Variants in AKT3 observed in about 807,000 individuals in gnomAD.
AKT3 encodes the protein RAC-gamma serine/threonine-protein kinase.
AKT3 carries 15 observed loss-of-function variants against 65.3 expected under a neutral mutation model. The observed-to-expected ratio is 0.23, with a 90% CI of 0.15 to 0.35. The LOEUF (loss-of-function observed/expected upper bound fraction) is 0.35, where lower values mean the gene tolerates loss of function less well. Ranked by LOEUF, AKT3 falls within the 10% of genes least tolerant of loss-of-function variation. The pLI, the probability that AKT3 is intolerant of heterozygous loss-of-function variation, is 1.00. For synonymous variants in AKT3, 206 were observed against 183.8 expected, an observed-to-expected ratio of 1.12 and a Z score of -0.98; for missense variants, 243 against 576.5, an observed-to-expected ratio of 0.42 and a Z score of 5.92.
chr1:243,766,123 T>G (rs1689800859), intron 2 of AKT3, among the ~76,000 whole-genome samples: 1 of 152,198 alleles, frequency 6.6e-6, no homozygotes, highest in Admixed American at 6.5e-5. Flanking sequence ...TTGAGTGAAC[T>G]TTTAAAAACA....
chr1:243,654,140 C>T (rs1201701670), intron 4 of AKT3, among the ~76,000 whole-genome samples: 1 of 152,046 alleles, frequency 6.6e-6, no homozygotes, highest in African/African-American at 2.4e-5. Context: ...CTCTCACTGT[C>T]TTTTTAGTAA....
rs189099512 is a variant in AKT3, at chr1:243,610,915, T to C, written c.696+2756A>G. On this transcript the variant is annotated intron_variant, in intron 8 of 13. Coordinates refer to ENST00000673466, the MANE Select transcript of AKT3 (RefSeq NM_005465.7). ...AGATGGATATAGAGATTCCACTGCA[T>C]GAATGTAACTTTATTTAAGCAGACT... 2.2e-4 allele frequency among the ~76,000 whole-genome samples: 34 copies of C among 152,350 alleles called. No homozygotes were observed. In the South Asian group the frequency reaches 7.0e-3, roughly 32 times the overall value.
chr1:243,697,179 TAACA>T (rs1168241401), intron 2 of AKT3, among the ~76,000 whole-genome samples: 2 of 152,022 alleles, frequency 1.3e-5, no homozygotes, highest in African/African-American at 4.8e-5. Flanking sequence ...TTATTACATA[TAACA>T]AATAACATAT....
chr1:243,563,631 A>G lies in AKT3; in HGVS notation c.948+89T>C, dbSNP rs1484799151. 2.1e-6 allele frequency: 3 copies of G among 1,462,946 alleles called. No homozygotes were observed. In the East Asian group the frequency reaches 6.9e-5, roughly 34 times the overall value. The allele number at this position is 1,462,946 out of a possible 1,614,324, so 90.6% of individuals were successfully genotyped here. A position where few individuals can be genotyped will look rare whatever the true frequency, so the allele number is the denominator to read the frequency against. On this transcript the variant is annotated intron_variant, in intron 10 of 13. Transcript: ENST00000673466. ...GTTGAAATATAGATAAAAGTAGTAG[A>G]TACTACAGTTAACTTTTAATGCTTA... is the stretch of plus-strand genomic sequence containing the variant.
At chr1:243,845,089 C>T (rs922642336) in intron 1 of AKT3, among the ~76,000 whole-genome samples, 1 of 152,130 alleles carries the variant, frequency 6.6e-6, no homozygotes, top group Non-Finnish European at 1.5e-5. Context: ...AGACTCCCAA[C>T]CTAGCGCTAA....
chr1:243,829,018 T>C (rs1438473898), intron 2 of AKT3, among the ~76,000 whole-genome samples: 1 of 152,168 alleles, frequency 6.6e-6, no homozygotes, highest in Non-Finnish European at 1.5e-5. Flanking sequence ...AAAGATGCAA[T>C]GTTTACACAG....
intron 2 of AKT3, among the ~76,000 whole-genome samples, chr1:243,713,305 C>T (rs1168106492): frequency 6.6e-6 from 1 of 152,074 alleles, no homozygotes; most frequent in East Asian, 1.9e-4. Flanking sequence ...AAAGAAGTTG[C>T]TTTCTAAAAC....
chr1:243,711,794 T>C (rs1013691069), intron 2 of AKT3, among the ~76,000 whole-genome samples: 3 of 152,228 alleles, frequency 2.0e-5, no homozygotes, highest in South Asian at 2.1e-4. Context: ...TATGAGTAAA[T>C]TCACTCATCT....
chr1:243,732,810 G>A (rs951600954), intron 2 of AKT3, among the ~76,000 whole-genome samples: 2 of 152,304 alleles, frequency 1.3e-5, no homozygotes, highest in East Asian at 3.9e-4. Flanking sequence ...CAGCCTTTGA[G>A]AGGAGAATAG....
chr1:243,523,272 C>CACACACAT (rs1670839482), intron 12 of AKT3, among the ~76,000 whole-genome samples: 1 of 149,254 alleles, frequency 6.7e-6, no homozygotes, highest in Non-Finnish European at 1.5e-5. Flanking sequence ...CACACACACA[C>CACACACAT]ACACACACAC....
At chr1:243,553,029 A>G in intron 10 of AKT3, 86 bp from the exon 11 acceptor site, 1 of 1,105,012 alleles carries the variant, frequency 9.0e-7, no homozygotes, top group Non-Finnish European at 1.3e-6. Context: ...TTACATAAAA[A>G]TGAATCTTAA....
At chr1:243,841,099 CATT>C (rs1245377807) in intron 2 of AKT3, among the ~76,000 whole-genome samples, 2 of 152,132 alleles carry the variant, frequency 1.3e-5, no homozygotes, top group African/African-American at 4.8e-5. Context: ...AGCACATACA[CATT>C]ATTAGAAACA....
chr1:243,725,534 A>G (rs1032062057), intron 2 of AKT3, among the ~76,000 whole-genome samples: 1 of 152,212 alleles, frequency 6.6e-6, no homozygotes, highest in Non-Finnish European at 1.5e-5. Context: ...AGAGACAAGA[A>G]TAATATACTC....
chr1:243,617,604 A>G (rs2148613589), intron 6 of AKT3, among the ~76,000 whole-genome samples: 1 of 152,294 alleles, frequency 6.6e-6, no homozygotes, highest in East Asian at 1.9e-4. Context: ...AGTGGAGGTT[A>G]TCCACTATTG....
At chr1:243,846,480 G>A (rs749565448) in intron 1 of AKT3, among the ~76,000 whole-genome samples, 7 of 152,032 alleles carry the variant, frequency 4.6e-5, no homozygotes, top group Non-Finnish European at 8.8e-5. Flanking sequence ...ATAGAGTACT[G>A]AAAAGAAACA....
At chr1:243,801,281 A>G (rs926501384) in intron 2 of AKT3, among the ~76,000 whole-genome samples, 9 of 152,244 alleles carry the variant, frequency 5.9e-5, no homozygotes, top group Admixed American at 5.9e-4. Flanking sequence ...TATGAGAGAT[A>G]TGGAGATTGT....
chr1:243,779,341 T>C (rs1291744770), intron 2 of AKT3, among the ~76,000 whole-genome samples: 2 of 151,344 alleles, frequency 1.3e-5, no homozygotes, highest in East Asian at 3.9e-4. Context: ...ACAGTGTAGA[T>C]TCTCCTCCAG....
intron 3 of AKT3, among the ~76,000 whole-genome samples, chr1:243,688,668 C>A (rs1422257745): frequency 6.6e-6 from 1 of 152,082 alleles, no homozygotes; most frequent in African/African-American, 2.4e-5. Flanking sequence ...TGACTCGCAG[C>A]CTGTTTGTTT....
intron 10 of AKT3, among the ~76,000 whole-genome samples, chr1:243,554,380 A>G (rs1352162): frequency 0.52 from 79,795 of 152,012 alleles, 24,185 homozygotes; most frequent in Non-Finnish European, 0.68. Flanking sequence ...AATGTTTTGT[A>G]AATCACAAAC....
Sources: gnomAD v4.1 joint callset for allele counts (sites outside exome capture counted in the v4.1 genomes callset) on GRCh38, gnomAD v4.1.1 for gene constraint, MANE v1.5 for transcripts, NCBI Gene and HGNC (gene_info 2026-07-23, HGNC 2026-07-21) for gene names.